Variants in TIAM1 observed in about 807,000 individuals in gnomAD.
The protein encoded by TIAM1 is rho guanine nucleotide exchange factor TIAM1.
A neutral mutation model predicts 163.5 loss-of-function variants in TIAM1; 65 were observed. The observed-to-expected ratio is 0.40, with a 90% CI of 0.33 to 0.49. The LOEUF is 0.49. Ranked by LOEUF, TIAM1 falls within the 20% of genes least tolerant of loss-of-function variation. The pLI is 0.77. For missense variants in TIAM1, 1,789 were observed against 2,044.7 expected (o/e 0.87, Z 2.41); for synonymous variants, 833 against 810.1 (o/e 1.03, Z -0.48).
intron 2 of TIAM1, among the ~76,000 whole-genome samples, chr21:31,412,990 T>C (rs1245652673): frequency 1.3e-5 from 2 of 152,076 alleles, no homozygotes; most frequent in Non-Finnish European, 2.9e-5. Flanking sequence ...TACTGGTCCA[T>C]GGCCTGGGGA....
chr21:31,445,996 A>G (rs150700183), intron 2 of TIAM1, among the ~76,000 whole-genome samples: 6,174 of 152,126 alleles, frequency 0.041, 199 homozygotes, highest in East Asian at 0.081. Flanking sequence ...GCTGGAGTGC[A>G]GTGGCACGAT....
rs552127729 is a variant in TIAM1, at chr21:31,418,504, T to C, written c.-369+45479A>G. ...AGCTACCAACTTGGATTTAAGAAAA[T>C]GGCCAAGGGTGTCCACTCTCCCCTA... On this transcript the variant is annotated intron_variant, in intron 2 of 28. Transcript: ENST00000286827. Among the ~76,000 whole-genome samples, 7 of 152,016 alleles carry C rather than the reference T, an allele frequency of 4.6e-5. No homozygotes were observed. The East Asian group carries it at 1.4e-3, about 29-fold the overall frequency.
chr21:31,296,126 T>C (rs796347585), intron 2 of TIAM1, among the ~76,000 whole-genome samples: 8 of 152,324 alleles, frequency 5.3e-5, no homozygotes, highest in African/African-American at 1.9e-4. Flanking sequence ...CTGGATTTGA[T>C]GATTATTCAG....
intron 1 of TIAM1, among the ~76,000 whole-genome samples, chr21:31,486,108 T>C (rs2833427): frequency 0.34 from 52,090 of 152,032 alleles, 9,218 homozygotes; most frequent in Non-Finnish European, 0.37. Flanking sequence ...GGATTCACCA[T>C]TCAAAACCAG....
intron 1 of TIAM1, among the ~76,000 whole-genome samples, chr21:31,467,832 C>G (rs1012508438): frequency 1.3e-5 from 2 of 151,736 alleles, no homozygotes; most frequent in Admixed American, 6.6e-5. Context: ...GCCTGTAATC[C>G]TAGCACTTTA....
At chr21:31,447,631 G>A (rs2044675295) in intron 2 of TIAM1, among the ~76,000 whole-genome samples, 1 of 152,192 alleles carries the variant, frequency 6.6e-6, no homozygotes, top group Admixed American at 6.5e-5. Context: ...AAATGGAAGT[G>A]AAGAGACTGT....
chr21:31,238,761 C>T (rs1031026753), intron 6 of TIAM1, among the ~76,000 whole-genome samples: 2 of 152,170 alleles, frequency 1.3e-5, no homozygotes, highest in South Asian at 2.1e-4. Flanking sequence ...CTCTTGCCCA[C>T]GTTCTTCTTA....
chr21:31,303,477 T>C (rs547632717), intron 2 of TIAM1, among the ~76,000 whole-genome samples: 2 of 152,346 alleles, frequency 1.3e-5, no homozygotes, highest in South Asian at 4.1e-4. Context: ...AGCTTATTGA[T>C]GGCACCCCAT....
chr21:31,215,071 T>G (rs952118850), intron 9 of TIAM1, among the ~76,000 whole-genome samples: 1 of 152,212 alleles, frequency 6.6e-6, no homozygotes, highest in East Asian at 1.9e-4. Context: ...ACATTGTGCT[T>G]TGATTTTAGA....
chr21:31,245,859 T>A (rs1405994179), intron 5 of TIAM1, among the ~76,000 whole-genome samples, 199 bp from the exon 6 acceptor site: 2 of 152,184 alleles, frequency 1.3e-5, no homozygotes, highest in Non-Finnish European at 2.9e-5. Context: ...AAATTGTAGC[T>A]TCTCAGCCTG....
chr21:31,147,762 ATAT>A (rs551826554), intron 19 of TIAM1, among the ~76,000 whole-genome samples: 2,645 of 139,742 alleles, frequency 0.019, 85 homozygotes, highest in African/African-American at 0.068. Context: ...TATAATTAAT[ATAT>A]TATATTAATA....
chr21:31,132,497 C>T (rs185775080), intron 23 of TIAM1, among the ~76,000 whole-genome samples: 28 of 152,274 alleles, frequency 1.8e-4, no homozygotes, highest in Non-Finnish European at 2.1e-4. Flanking sequence ...CACTATGAAG[C>T]CTTCAGAAAT....
At chr21:31,490,610 A>G (rs766441580) in intron 1 of TIAM1, among the ~76,000 whole-genome samples, 1 of 152,100 alleles carries the variant, frequency 6.6e-6, no homozygotes, top group Non-Finnish European at 1.5e-5. Flanking sequence ...AACCAATGAG[A>G]GCCTCCCATT....
chr21:31,420,428 T>C (rs74483972), intron 2 of TIAM1, among the ~76,000 whole-genome samples: 3,338 of 152,244 alleles, frequency 0.022, 79 homozygotes, highest in Non-Finnish European at 0.031. Context: ...CAGTTGACCT[T>C]TCCAGGGAGG....
At chr21:31,271,082 A>G (rs911632939) in intron 3 of TIAM1, among the ~76,000 whole-genome samples, 1 of 152,154 alleles carries the variant, frequency 6.6e-6, no homozygotes, top group Non-Finnish European at 1.5e-5. Context: ...ACCAACATAT[A>G]TTTCACTTAC....
At chr21:31,309,025 A>G (rs2074823605) in intron 2 of TIAM1, among the ~76,000 whole-genome samples, 1 of 151,990 alleles carries the variant, frequency 6.6e-6, no homozygotes, top group African/African-American at 2.4e-5. Flanking sequence ...TACAAGCTCA[A>G]TGACCTCCAC....
At chr21:31,278,013 G>T (rs1227089627) in intron 2 of TIAM1, among the ~76,000 whole-genome samples, 1 of 152,092 alleles carries the variant, frequency 6.6e-6, no homozygotes, top group Non-Finnish European at 1.5e-5. Context: ...GTATATTAAG[G>T]TGTTGGACAA....
chr21:31,243,192 CAAAAAA>C (rs60242603), intron 6 of TIAM1, among the ~76,000 whole-genome samples: 2 of 100,956 alleles, frequency 2.0e-5, no homozygotes, highest in South Asian at 3.2e-4. Flanking sequence ...AACTTCATCT[CAAAAAA>C]AAAAAAAAAA....
At chr21:31,422,756 C>A (rs1055839993) in intron 2 of TIAM1, among the ~76,000 whole-genome samples, 12 of 152,306 alleles carry the variant, frequency 7.9e-5, no homozygotes, top group African/African-American at 2.9e-4. Context: ...TACCTTTGCT[C>A]ATGATCTCTA....
Sources: gnomAD v4.1 joint callset for allele counts (sites outside exome capture counted in the v4.1 genomes callset) on GRCh38, gnomAD v4.1.1 for gene constraint, MANE v1.5 for transcripts, NCBI Gene and HGNC (gene_info 2026-07-23, HGNC 2026-07-21) for gene names.